Variants in COL21A1 observed in about 807,000 individuals in gnomAD.
The protein encoded by COL21A1 is collagen type XXI alpha 1 chain.
Under a neutral mutation model 137.9 loss-of-function variants are expected in COL21A1, and 149 were observed. The ratio of observed to expected loss-of-function variants is 1.08; its 90% confidence interval spans 0.95 to 1.24. The LOEUF (loss-of-function observed/expected upper bound fraction) is 1.24. COL21A1 is among the 50% of genes most tolerant of loss of function. The pLI is 0.00. For missense variants in COL21A1, 1,167 were observed against 1,158.4 expected (o/e 1.01, Z -0.11); for synonymous variants, 456 against 391.5 (o/e 1.16, Z -1.95).
intron 1 of COL21A1, among the ~76,000 whole-genome samples, chr6:56,308,951 T>C (rs947032966): frequency 2.0e-5 from 3 of 152,148 alleles, no homozygotes; most frequent in African/African-American, 7.2e-5. Context: ...AGATTTACTA[T>C]CATAGTCAGG....
At chr6:56,096,917 A>G (rs1769371432) in intron 17 of COL21A1, among the ~76,000 whole-genome samples, 1 of 152,182 alleles carries the variant, frequency 6.6e-6, no homozygotes, top group African/African-American at 2.4e-5. Context: ...CACAAAATAT[A>G]TAAACTTTAT....
chr6:56,344,453 G>A (rs9475677), intron 1 of COL21A1, among the ~76,000 whole-genome samples: 25,033 of 152,002 alleles, frequency 0.16, 2,210 homozygotes, highest in Non-Finnish European at 0.18. Flanking sequence ...AATTAAAGTA[G>A]CATTTGTCTA....
intron 19 of COL21A1, 81 bp downstream of exon 19, chr6:56,075,398 G>A: frequency 9.3e-7 from 1 of 1,080,508 alleles, no homozygotes; most frequent in Non-Finnish European, 1.3e-6. Flanking sequence ...ACATTTTTAT[G>A]AACTCTCGAA....
chr6:56,176,217 T>C (rs895349981), intron 3 of COL21A1, among the ~76,000 whole-genome samples: 1 of 152,100 alleles, frequency 6.6e-6, no homozygotes, highest in Admixed American at 6.6e-5. Flanking sequence ...TCGTAATGAT[T>C]TCTTGGATTT....
chr6:56,390,495 G>GACACACACACAC (rs35424168), intron 1 of COL21A1, among the ~76,000 whole-genome samples: 155 of 139,872 alleles, frequency 1.1e-3, no homozygotes, highest in South Asian at 2.2e-3. Flanking sequence ...TGGCTGAATG[G>GACACACACACAC]ACACACACAC....
At chr6:56,246,876 A>AC (rs11437965) in intron 1 of COL21A1, among the ~76,000 whole-genome samples, 70,706 of 151,814 alleles carry the variant, frequency 0.47, 18,063 homozygotes, top group African/African-American at 0.66. Flanking sequence ...TCAAAGTCCC[A>AC]CCCCCAGAGA....
chr6:56,108,031 G>T (rs1312803755), intron 16 of COL21A1, among the ~76,000 whole-genome samples: 1 of 151,946 alleles, frequency 6.6e-6, no homozygotes, highest in Non-Finnish European at 1.5e-5. Flanking sequence ...GATGCTCAAG[G>T]TATGTAAAGG....
chr6:56,194,286 C>G (rs941612696), intron 1 of COL21A1, among the ~76,000 whole-genome samples: 1 of 152,120 alleles, frequency 6.6e-6, no homozygotes, highest in African/African-American at 2.4e-5. Context: ...ATACTAAATT[C>G]ATATTATTAC....
At chr6:56,356,892 C>A (rs1435779655) in intron 1 of COL21A1, among the ~76,000 whole-genome samples, 1 of 152,162 alleles carries the variant, frequency 6.6e-6, no homozygotes, top group African/African-American at 2.4e-5. Flanking sequence ...TTATGAAATG[C>A]ATCTCTATTT....
At chr6:56,169,107 C>T (rs1175914563) in intron 5 of COL21A1, among the ~76,000 whole-genome samples, 5 of 151,974 alleles carry the variant, frequency 3.3e-5, no homozygotes, top group African/African-American at 1.2e-4. Context: ...CAGAGTTCTA[C>T]CCAATATATT....
intron 10 of COL21A1, among the ~76,000 whole-genome samples, chr6:56,150,995 G>A (rs541879930): frequency 2.0e-5 from 3 of 152,246 alleles, no homozygotes; most frequent in East Asian, 1.9e-4. Flanking sequence ...AGGCCGAGGC[G>A]GGTGGATCAC....
At chr6:56,328,169 C>T (rs1279214886) in intron 1 of COL21A1, among the ~76,000 whole-genome samples, 1 of 152,046 alleles carries the variant, frequency 6.6e-6, no homozygotes, top group African/African-American at 2.4e-5. Flanking sequence ...GTTATATAAA[C>T]CAAGTATGTA....
At chr6:56,148,428 T>A (rs1487955361) in intron 10 of COL21A1, among the ~76,000 whole-genome samples, 1 of 150,392 alleles carries the variant, frequency 6.6e-6, no homozygotes, top group Non-Finnish European at 1.5e-5. Context: ...AGGTGAGAGT[T>A]CAGGTAGACA....
In COL21A1 at chr6:56,057,511, T is replaced by C; in HGVS notation, c.*146A>G. 1.3e-6 allele frequency: 1 copy of C among 740,854 alleles called. No individual in the cohort carries two copies. Among genetic ancestry groups the C allele is most frequent in the Non-Finnish European group, 2.2e-6 (1 of 447,206 alleles). 45.9% of individuals were successfully genotyped at this position (740,854 alleles called of 1,614,324 possible). A position where few individuals can be genotyped will look rare whatever the true frequency, so the allele number is the denominator to read the frequency against. ...CTTTAAAATCAGTATATGTGATCTT[T>C]TATATTTTTTTCCATAAGAAAAAAA... is the stretch of plus-strand genomic sequence containing the variant. On this transcript the variant is annotated 3_prime_UTR_variant, in exon 30 of 30. Transcript: ENST00000244728.
intron 17 of COL21A1, among the ~76,000 whole-genome samples, chr6:56,088,163 A>G (rs1357619915): frequency 1.3e-5 from 2 of 152,138 alleles, no homozygotes; most frequent in Admixed American, 6.5e-5. Flanking sequence ...CAGGACTTCA[A>G]GACCAGCCTG....
intron 12 of COL21A1, among the ~76,000 whole-genome samples, chr6:56,129,090 T>C (rs1249221683): frequency 6.6e-6 from 1 of 152,168 alleles, no homozygotes. Flanking sequence ...CTACACAGAG[T>C]TGAGGAAGGG....
chr6:56,160,833 T>G (rs1365646249), intron 9 of COL21A1, among the ~76,000 whole-genome samples: 4 of 152,184 alleles, frequency 2.6e-5, no homozygotes, highest in African/African-American at 4.8e-5. Context: ...TTTTAAGTTG[T>G]TCATCCAAGG....
Position 56,231,009 on chromosome 6 carries a change from CT to C in COL21A1, c.-39+16377del, listed in dbSNP as rs1433618130. 7 of 151,960 alleles carry C rather than the reference CT, an allele frequency of 4.6e-5. 1 individual carries two copies. The South Asian group carries it at 1.2e-3, about 27-fold the overall frequency. The allele number at this position is 151,960 out of a possible 1,614,324, so 9.4% of individuals were successfully genotyped here. A position where few individuals can be genotyped will look rare whatever the true frequency, so the allele number is the denominator to read the frequency against. On this transcript the variant is annotated intron_variant, in intron 1 of 29. Transcript: ENST00000244728. ...TAGCACCACCAGTTCAAAAGCCAGC[CT>C]TTTGTTTCTACAGGAAAAATGCTTG...
intron 1 of COL21A1, among the ~76,000 whole-genome samples, chr6:56,295,571 A>G (rs1262676932): frequency 1.3e-5 from 2 of 151,968 alleles, no homozygotes; most frequent in Non-Finnish European, 2.9e-5. Flanking sequence ...CTTTCATTGT[A>G]TATGGAGTAT....
Sources: gnomAD v4.1 joint callset for allele counts (sites outside exome capture counted in the v4.1 genomes callset) on GRCh38, gnomAD v4.1.1 for gene constraint, MANE v1.5 for transcripts, NCBI Gene and HGNC (gene_info 2026-07-23, HGNC 2026-07-21) for gene names.